DNAH5: variants seen among roughly 807,000 people sequenced by gnomAD.
The protein encoded by DNAH5 is dynein axonemal heavy chain 5.
In DNAH5, 372 loss-of-function variants were observed where a neutral mutation model predicts 518.2. The ratio of observed to expected loss-of-function variants is 0.72; its 90% CI spans 0.66 to 0.78. The LOEUF is 0.78. DNAH5 is among the 30% of genes least tolerant of loss of function. The pLI is 0.00. For synonymous variants in DNAH5, 2,039 were observed against 2,025.9 expected (o/e 1.01, Z -0.17); for missense variants, 5,523 against 5,687.0 (o/e 0.97, Z 0.93).
chr5:13,831,760 T>C (rs1188153612), intron 35 of DNAH5, among the ~76,000 whole-genome samples: 3 of 152,218 alleles, frequency 2.0e-5, no homozygotes, highest in Non-Finnish European at 4.4e-5. Context: ...CAAGGTATTA[T>C]TTCTCCTGTT....
At chr5:13,948,940 T>G (rs1780147150), upstream of DNAH5, among the ~76,000 whole-genome samples, 1 of 152,118 alleles carries the variant, frequency 6.6e-6, no homozygotes, top group Admixed American at 6.5e-5. Flanking sequence ...CTCTGTCCAA[T>G]ATATTGCTGC....
At chr5:14,002,896 A>C (rs1175555251) in intron 1 of DNAH5, among the ~76,000 whole-genome samples, 3 of 152,050 alleles carry the variant, frequency 2.0e-5, no homozygotes, top group African/African-American at 7.2e-5. Context: ...GAACAACCAC[A>C]AGTTGTGCTT....
intron 17 of DNAH5, among the ~76,000 whole-genome samples, chr5:13,890,443 G>A (rs2151948007): frequency 6.6e-6 from 1 of 151,744 alleles, no homozygotes; most frequent in East Asian, 1.9e-4. Context: ...GATCTTCTGA[G>A]GGCCTTTATC....
chr5:13,824,425 G>A lies in DNAH5; in HGVS notation c.6445-92C>T, dbSNP rs916155607. The A allele has an allele frequency of 6.4e-6, 8 of 1,248,244 alleles. No homozygotes were observed. In the African/African-American group the frequency reaches 9.0e-5, roughly 14 times the overall value. The allele number at this position is 1,248,244 out of a possible 1,614,324, so 77.3% of individuals were successfully genotyped here. A position where few individuals can be genotyped will look rare whatever the true frequency, so the allele number is the denominator to read the frequency against. ...TGACAGAAATTATATTCACAATAAT[G>A]AATAAATGCTGATTTTCCTTCAGAA... On this transcript the variant is annotated intron_variant, in intron 38 of 78. Transcript: ENST00000265104.
Position 13,727,217 on chromosome 5 carries a change from G to A in DNAH5, c.12033+290C>T, listed in dbSNP as rs142640776. ...ATATAAAATGATATAAAAGAATAAC[G>A]CATTACCTGTATGTTATACCTATAT... is the stretch of plus-strand genomic sequence containing the variant. On this transcript the variant is annotated intron_variant, in intron 70 of 78. Coordinates refer to ENST00000265104, the MANE Select transcript of DNAH5 (RefSeq NM_001369.3). 3.6e-4 allele frequency among the ~76,000 whole-genome samples: 55 copies of A among 152,206 alleles called. 1 individual carries two copies. The highest frequency in any genetic ancestry group is 3.4e-3 in the Middle Eastern group (1 of 294).
At chr5:13,732,111 C>T (rs1441370254) in intron 68 of DNAH5, among the ~76,000 whole-genome samples, 1 of 114,100 alleles carries the variant, frequency 8.8e-6, no homozygotes, top group African/African-American at 3.8e-5. Context: ...CAGAGCAAGA[C>T]TCTGTCTTCA....
chr5:13,770,025 C>T (rs1320210210), intron 56 of DNAH5, among the ~76,000 whole-genome samples: 1 of 152,150 alleles, frequency 6.6e-6, no homozygotes, highest in Non-Finnish European at 1.5e-5. Context: ...ATGATGTGGG[C>T]TTAAGAAACC....
intron 75 of DNAH5, 142 bp from the exon 76 acceptor site, chr5:13,708,477 A>G (rs1169035700): frequency 2.0e-6 from 1 of 507,616 alleles, no homozygotes; most frequent in South Asian, 2.3e-5. Flanking sequence ...TGGCAAAAAG[A>G]AAAAAAAAAA....
chr5:13,916,123 T>G (rs908888517), intron 9 of DNAH5, among the ~76,000 whole-genome samples: 6 of 151,620 alleles, frequency 4.0e-5, no homozygotes, highest in African/African-American at 1.4e-4. Flanking sequence ...ATATAAATAA[T>G]AAAATATTTA....
At chr5:13,752,408 C>G (rs935724589) in intron 63 of DNAH5, 119 bp from the exon 64 acceptor site, 1 of 1,238,024 alleles carries the variant, frequency 8.1e-7, no homozygotes, top group African/African-American at 1.5e-5. Context: ...ACAAATTGAG[C>G]ATCCAAAATG....
At chr5:13,782,688 A>G (rs1277696946) in intron 52 of DNAH5, among the ~76,000 whole-genome samples, 1 of 152,194 alleles carries the variant, frequency 6.6e-6, no homozygotes. Context: ...GGTATTAAGG[A>G]ATCCTCATCC....
At chr5:13,732,120 CAAA>C (rs34028417) in intron 68 of DNAH5, among the ~76,000 whole-genome samples, 2,136 of 124,862 alleles carry the variant, frequency 0.017, 35 homozygotes, top group East Asian at 0.062. Flanking sequence ...ACTCTGTCTT[CAAA>C]AAAAAAAAAA....
intron 17 of DNAH5, among the ~76,000 whole-genome samples, chr5:13,890,310 G>A (rs1164607073): frequency 2.0e-5 from 3 of 151,854 alleles, no homozygotes; most frequent in Non-Finnish European, 4.4e-5. Context: ...GGGAAGCTGA[G>A]GCAGGAGAAT....
intron 53 of DNAH5, among the ~76,000 whole-genome samples, chr5:13,778,833 T>C (rs1754649074): frequency 6.6e-6 from 1 of 152,148 alleles, no homozygotes; most frequent in South Asian, 2.1e-4. Context: ...TTGAAAGCTA[T>C]GAAAAGGAAA....
intron 50 of DNAH5, among the ~76,000 whole-genome samples, chr5:13,790,916 C>G (rs760447446): frequency 1.3e-4 from 20 of 151,982 alleles, no homozygotes; most frequent in Admixed American, 3.9e-4. Context: ...TGGGGTCTAC[C>G]TGAGGGTGGA....
intron 9 of DNAH5, among the ~76,000 whole-genome samples, chr5:13,915,918 T>C (rs1284109937): frequency 1.3e-5 from 2 of 152,108 alleles, no homozygotes; most frequent in Non-Finnish European, 2.9e-5. Context: ...TTTATTACCA[T>C]GATTACTGTT....
rs147816271 is a variant in DNAH5, at chr5:13,711,311, C to T, written c.13126-2976G>A. Among the ~76,000 whole-genome samples, 6 of 152,272 alleles carry T rather than the reference C, an allele frequency of 3.9e-5. No homozygotes were observed. The East Asian group carries it at 1.2e-3, about 29-fold the overall frequency. On this transcript the variant is annotated intron_variant, in intron 75 of 78. Transcript: ENST00000265104. ...ATGCAGAAAAAGCATTCAACAAAAT[C>T]CAGCATCGCTCTATGATTAAAAGTC...
chr5:13,798,929 C>T (rs1000995189), intron 47 of DNAH5, among the ~76,000 whole-genome samples: 1 of 151,858 alleles, frequency 6.6e-6, no homozygotes, highest in Admixed American at 6.6e-5. Context: ...CCACACCCTG[C>T]TAATTTTTGT....
chr5:13,908,348 G>C (rs967717385), intron 12 of DNAH5, among the ~76,000 whole-genome samples: 2 of 152,090 alleles, frequency 1.3e-5, no homozygotes, highest in Non-Finnish European at 2.9e-5. Flanking sequence ...TGCAAAACTA[G>C]AGCATTTATA....
Sources: gnomAD v4.1 joint callset for allele counts (sites outside exome capture counted in the v4.1 genomes callset) on GRCh38, gnomAD v4.1.1 for gene constraint, MANE v1.5 for transcripts, NCBI Gene and HGNC (gene_info 2026-07-23, HGNC 2026-07-21) for gene names.